RBFOX2: variants seen among roughly 807,000 people sequenced by gnomAD.
The protein encoded by RBFOX2 is RNA binding fox-1 homolog 2.
Under a neutral mutation model 49.1 loss-of-function variants are expected in RBFOX2, and 10 were observed. That is an observed-to-expected ratio of 0.20 (90% CI 0.13 to 0.35). RBFOX2 has a LOEUF of 0.35. RBFOX2 is among the 10% of genes least tolerant of loss of function. The probability of loss-of-function intolerance (pLI) is 1.00; values close to 1 mark genes in which losing one functional copy is unlikely to be tolerated. For synonymous variants in RBFOX2, 183 were observed against 187.4 expected, an observed-to-expected ratio of 0.98 and a Z score of 0.19; for missense variants, 323 against 486.9, an observed-to-expected ratio of 0.66 and a Z score of 3.17.
At chr22:35,940,230 C>T (rs2053553870), upstream of RBFOX2, among the ~76,000 whole-genome samples, 1 of 152,160 alleles carries the variant, frequency 6.6e-6, no homozygotes, top group Non-Finnish European at 1.5e-5. Context: ...GTATCTAACA[C>T]ATGTAGACAC....
chr22:35,892,993 C>T (rs550590063), intron 1 of RBFOX2, among the ~76,000 whole-genome samples: 59 of 152,354 alleles, frequency 3.9e-4, no homozygotes, highest in South Asian at 1.2e-3. Context: ...GCATTATTCG[C>T]TATAGCTCCT....
chr22:35,791,555 G>A (rs890967167), intron 2 of RBFOX2, among the ~76,000 whole-genome samples: 3 of 152,090 alleles, frequency 2.0e-5, no homozygotes, highest in Non-Finnish European at 2.9e-5. Flanking sequence ...AACTTAGAAA[G>A]AGACTGAAAG....
rs1468003945 is a variant in RBFOX2 at position 35,759,833 on chromosome 22, T to G, written c.887+55A>C. ...GTTATGAAAGGGCCATGGTATTCTT[T>G]TTTGGTCCAACTGCTTATTTTAGAA... On this transcript the variant is annotated intron_variant, in intron 9 of 11. Coordinates refer to ENST00000405409, the Ensembl canonical transcript of RBFOX2. The surrounding 1 kb of genome is among the most constrained non-coding windows in gnomAD (Gnocchi z 4.6). 10 of 1,601,436 alleles carry G rather than the reference T, an allele frequency of 6.2e-6. No homozygotes were observed. The highest frequency in any genetic ancestry group is 4.5e-5 in the East Asian group (2 of 44,580).
At chr22:35,895,269 C>A (rs1398778925) in intron 1 of RBFOX2, among the ~76,000 whole-genome samples, 2 of 152,136 alleles carry the variant, frequency 1.3e-5, no homozygotes, top group Non-Finnish European at 2.9e-5. Context: ...AGTAATAAAC[C>A]ACCAGCACCA....
chr22:35,854,991 T>C (rs1400496022), intron 1 of RBFOX2, among the ~76,000 whole-genome samples: 6 of 152,192 alleles, frequency 3.9e-5, no homozygotes, highest in Non-Finnish European at 8.8e-5. Context: ...GTAGCCTCAG[T>C]TATTAACAGA....
intron 1 of RBFOX2, among the ~76,000 whole-genome samples, chr22:35,986,566 A>G (rs1234618467): frequency 6.6e-6 from 1 of 152,220 alleles, no homozygotes; most frequent in Non-Finnish European, 1.5e-5. Flanking sequence ...CAATGTTTTC[A>G]TACTGTCCTT....
intron 1 of RBFOX2, among the ~76,000 whole-genome samples, chr22:36,024,406 T>C (rs2059352312): frequency 6.6e-6 from 1 of 152,130 alleles, no homozygotes; most frequent in African/African-American, 2.4e-5. Context: ...TGGTGTGAAC[T>C]AAGCTGTCAG....
At chr22:35,932,744 A>T (rs1174515383) in intron 1 of RBFOX2, among the ~76,000 whole-genome samples, 1 of 152,106 alleles carries the variant, frequency 6.6e-6, no homozygotes, top group African/African-American at 2.4e-5. Flanking sequence ...AGCCAGGCTT[A>T]GTGTCGCATG....
intron 5 of RBFOX2, 80 bp downstream of exon 6, chr22:35,768,177 C>T (rs1443098746): frequency 1.4e-6 from 2 of 1,477,092 alleles, no homozygotes; most frequent in Non-Finnish European, 1.9e-6. Context: ...GACAGGGTTC[C>T]AAATGTGAAC....
chr22:35,903,502 T>C (rs2048812458), intron 1 of RBFOX2, among the ~76,000 whole-genome samples: 1 of 152,200 alleles, frequency 6.6e-6, no homozygotes, highest in African/African-American at 2.4e-5. Flanking sequence ...TTCCCATCAC[T>C]TCAAATACCA....
intron 1 of RBFOX2, chr22:35,836,300 T>G: frequency 6.6e-6 from 1 of 152,040 alleles, no homozygotes; most frequent in Non-Finnish European, 1.5e-5. Context: ...AAAGAGAAAA[T>G]GAAACAAAGC....
intron 1 of RBFOX2, among the ~76,000 whole-genome samples, chr22:35,849,224 G>A (rs1365768529): frequency 6.6e-6 from 1 of 151,444 alleles, no homozygotes; most frequent in Non-Finnish European, 1.5e-5. Context: ...ATCATAATAT[G>A]ATGGGTTTTT....
intron 1 of RBFOX2, among the ~76,000 whole-genome samples, chr22:35,913,454 A>T (rs1381485503): frequency 6.6e-6 from 1 of 151,224 alleles, no homozygotes; most frequent in African/African-American, 2.4e-5. Context: ...GCCTAACAGG[A>T]TATATATATC....
At chr22:35,956,778 TTTAGA>T (rs1243964748) in intron 1 of RBFOX2, among the ~76,000 whole-genome samples, 1 of 152,210 alleles carries the variant, frequency 6.6e-6, no homozygotes, top group Non-Finnish European at 1.5e-5. Context: ...GCAGTTTTCC[TTTAGA>T]TAACTGTCAT....
At chr22:35,848,343 G>A (rs946845974) in intron 1 of RBFOX2, among the ~76,000 whole-genome samples, 2 of 151,968 alleles carry the variant, frequency 1.3e-5, no homozygotes, top group African/African-American at 4.8e-5. Flanking sequence ...CCTCATTATC[G>A]TAAATATAAA....
Position 35,866,686 on chromosome 22 carries a change from A to G in RBFOX2, c.-33-56682T>C, listed in dbSNP as rs529864032. Among the ~76,000 whole-genome samples, 5 of 152,294 alleles carry G rather than the reference A, an allele frequency of 3.3e-5. No individual in the cohort carries two copies. The South Asian group carries it at 8.3e-4, about 25-fold the overall frequency. On this transcript the variant is annotated intron_variant, in intron 1 of 13. Transcript: ENST00000359369. ...GCCCAGACTTGCAACTAAAGGACCCAGAAACACCAACAGGCACTGACAAAA... is the reference window on the plus strand; with the variant it reads ...GCCCAGACTTGCAACTAAAGGACCCGGAAACACCAACAGGCACTGACAAAA...
rs923444397 is a variant in RBFOX2, at chr22:35,908,841, T to A, written c.-34+30006A>T. Among the ~76,000 whole-genome samples the A allele has an allele frequency of 2.3e-4, 34 of 150,872 alleles. 1 individual carries two copies. The highest frequency in any genetic ancestry group is 3.2e-3 in the Middle Eastern group (1 of 314). On this transcript the variant is annotated intron_variant, in intron 1 of 13. Transcript: ENST00000359369. Reference sequence around the variant, plus strand: ...CAAGCCTCTTTCATCCAATTTCTCATCTATTTTTTTTTTTTTTTTGAGATG... The same window carrying A: ...CAAGCCTCTTTCATCCAATTTCTCAACTATTTTTTTTTTTTTTTTGAGATG...
intron 1 of RBFOX2, among the ~76,000 whole-genome samples, chr22:35,984,170 T>C (rs763542573): frequency 1.3e-5 from 2 of 152,200 alleles, no homozygotes; most frequent in Admixed American, 1.3e-4. Flanking sequence ...CCTTACTGCA[T>C]ACTAGCATCA....
At chr22:35,957,609 T>C (rs5750205) in intron 1 of RBFOX2, among the ~76,000 whole-genome samples, 11,654 of 152,284 alleles carry the variant, frequency 0.077, 460 homozygotes, top group South Asian at 0.086. Context: ...GTTAGATAGA[T>C]AACATTATTC....
Sources: gnomAD v4.1 joint callset for allele counts (sites outside exome capture counted in the v4.1 genomes callset) on GRCh38, gnomAD v4.1.1 for gene constraint, Gnocchi (gnomAD v3.1) non-coding constraint, MANE v1.5 for transcripts, NCBI Gene and HGNC (gene_info 2026-07-23, HGNC 2026-07-21) for gene names.